SQSTM1: variants seen among roughly 807,000 people sequenced by gnomAD.
The protein encoded by SQSTM1 is sequestosome-1.
A neutral mutation model predicts 45.1 loss-of-function variants in SQSTM1; 36 were observed. The observed-to-expected ratio is 0.80, with a 90% confidence interval of 0.61 to 1.05. The LOEUF is 1.05. Ranked by LOEUF, SQSTM1 falls within the 50% of genes least tolerant of loss-of-function variation. SQSTM1 has a pLI of 0.00. For synonymous variants in SQSTM1, 290 were observed against 244.3 expected (o/e 1.19, Z -1.74); for missense variants, 617 against 607.1 (o/e 1.02, Z -0.17).
At chr5:179,829,388 A>C (rs145090215) in intron 5 of SQSTM1, among the ~76,000 whole-genome samples, 2,591 of 152,308 alleles carry the variant, frequency 0.017, 94 homozygotes, top group African/African-American at 0.06. Context: ...GCCCCACAGA[A>C]GGCTTCCTGT....
chr5:179,823,445 C>CAAAAAAAAAAAAAAA (rs59899831), intron 2 of SQSTM1: 3 of 55,904 alleles, frequency 5.4e-5, no homozygotes, highest in South Asian at 2.2e-4. Context: ...GCCTAGGCGA[C>CAAAAAAAAAAAAAAA]AAAAAAAAAA....
chr5:179,833,373 A>G, intron 6 of SQSTM1, 127 bp downstream of exon 6: 1 of 1,061,512 alleles, frequency 9.4e-7, no homozygotes. Context: ...CTGCTGCTGC[A>G]GTGATGTCTG....
chr5:179,818,253 G>T (rs1757643104), upstream of SQSTM1, among the ~76,000 whole-genome samples: 1 of 152,108 alleles, frequency 6.6e-6, no homozygotes, highest in Non-Finnish European at 1.5e-5. Context: ...GTGAGTGGAA[G>T]GGAGTGGCTG....
intron 1 of SQSTM1, among the ~76,000 whole-genome samples, chr5:179,822,187 T>C (rs951776565): frequency 6.6e-6 from 1 of 152,238 alleles, no homozygotes; most frequent in East Asian, 1.9e-4. Context: ...GTAAATAGAA[T>C]CAGACAATGT....
chr5:179,836,490 C>T lies in SQSTM1; in HGVS notation c.1220C>T (p.Ser407Phe). Residue 407 changes from serine to phenylalanine, a missense_variant, in exon 8 of 8, where the codon TCT (serine) becomes TTT (phenylalanine). Transcript: ENST00000389805. ...TCCCAGATGCTGTCCATGGGCTTCTCTGATGAAGGCGGCTGGCTCACCAGG... is the reference window on the plus strand; with the variant it reads ...TCCCAGATGCTGTCCATGGGCTTCTTTGATGAAGGCGGCTGGCTCACCAGG... ...SLSQMLSMGF[S>F]DEGGWLTRLL... The T allele has an allele frequency of 6.2e-7, 1 of 1,614,244 alleles. No individual in the cohort carries two copies. The highest frequency in any genetic ancestry group is 1.1e-5 in the South Asian group (1 of 91,090).
rs1380034241 is a variant in SQSTM1, at chr5:179,806,682, A to T, written c.-157+91A>T. On this transcript the variant is annotated intron_variant, in intron 1 of 5. Transcript: ENST00000514093. The surrounding 1 kb of genome is among the most constrained non-coding windows in gnomAD (Gnocchi z 4.6). The stretch of plus-strand genomic sequence containing the variant: ...GTCGGAAGGCGGCGGCGGCGGCGGC[A>T]GGGGCCCCGGCCCCGGGTCGGGGAG... 2.4e-5 allele frequency: 5 copies of T among 208,452 alleles called. No individual in the cohort carries two copies. The highest frequency in any genetic ancestry group is 3.4e-5 in the Non-Finnish European group (5 of 146,212). 12.9% of individuals were successfully genotyped at this position (208,452 alleles called of 1,614,324 possible). A position where few individuals can be genotyped will look rare whatever the true frequency, so the allele number is the denominator to read the frequency against.
intron 5 of SQSTM1, 92 bp from the exon 6 acceptor site, chr5:179,832,940 C>A: frequency 7.8e-7 from 1 of 1,285,118 alleles, no homozygotes; most frequent in Non-Finnish European, 1.1e-6. Flanking sequence ...TTGAGATCTT[C>A]GTGAGTCTGT....
chr5:179,828,364 CTTATCT>C (rs1758081637), intron 5 of SQSTM1, among the ~76,000 whole-genome samples: 1 of 120,148 alleles, frequency 8.3e-6, no homozygotes, highest in African/African-American at 3.2e-5. Flanking sequence ...TTTTTTTTTT[CTTATCT>C]TTTTTTTTTT....
upstream of SQSTM1, among the ~76,000 whole-genome samples, chr5:179,816,917 G>A (rs1471155479): frequency 6.6e-6 from 1 of 152,158 alleles, no homozygotes; most frequent in Non-Finnish European, 1.5e-5. Context: ...AGGGGGCGGC[G>A]CCTTAGGTCC....
At chr5:179,808,428 G>A (rs930405428) in intron 1 of SQSTM1, 1 of 152,222 alleles carries the variant, frequency 6.6e-6, no homozygotes, top group African/African-American at 2.4e-5. Flanking sequence ...GTTTTCACAG[G>A]TGTCTTCTAT....
At chr5:179,809,104 G>T (rs1182067545) in intron 1 of SQSTM1, among the ~76,000 whole-genome samples, 1 of 146,504 alleles carries the variant, frequency 6.8e-6, no homozygotes, top group Non-Finnish European at 1.5e-5. Context: ...TGATCTACCT[G>T]CCTCGGCCTC....
chr5:179,814,014 C>CT (rs1396350088), upstream of SQSTM1, among the ~76,000 whole-genome samples: 3 of 152,208 alleles, frequency 2.0e-5, no homozygotes, highest in Admixed American at 2.0e-4. Context: ...ATAAAAATGT[C>CT]TATCGGGGTG....
chr5:179,818,831 GC>G (rs1757660943), upstream of SQSTM1: 1 of 152,452 alleles, frequency 6.6e-6, no homozygotes, highest in Non-Finnish European at 1.5e-5. Context: ...CAGGTGCCGA[GC>G]CTTCCCTGGG....
chr5:179,832,418 G>A (rs887574894), intron 5 of SQSTM1, among the ~76,000 whole-genome samples: 1 of 152,236 alleles, frequency 6.6e-6, no homozygotes, highest in African/African-American at 2.4e-5. Context: ...TGGGCCCTAC[G>A]CAGCGCCTGC....
In SQSTM1 at chr5:179,837,768, T is replaced by C. The variant is rs751804819; in HGVS notation, c.*1175T>C. 1 of 1,614,224 alleles carries C rather than the reference T, an allele frequency of 6.2e-7. No individual in the cohort carries two copies. The highest frequency in any genetic ancestry group is 8.5e-7 in the Non-Finnish European group (1 of 1,180,040). On this transcript the variant is annotated 3_prime_UTR_variant, in exon 8 of 8. Transcript: ENST00000389805. ...GAGGATGTGGCTGTAACCTGCTGGA[T>C]GGGACTCCATAGCTCCTTCCCAGGA... is the stretch of plus-strand genomic sequence containing the variant.
At chr5:179,827,582 C>T (rs1169492417) in intron 5 of SQSTM1, among the ~76,000 whole-genome samples, 1 of 152,246 alleles carries the variant, frequency 6.6e-6, no homozygotes, top group Admixed American at 6.5e-5. Context: ...CTGCACCCGG[C>T]CCTCAGATGT....
At chr5:179,821,517 G>T (rs1196798848) in intron 1 of SQSTM1, 1 of 503,850 alleles carries the variant, frequency 2.0e-6, no homozygotes, top group Admixed American at 2.3e-5. Context: ...GGTCAGGCGG[G>T]CACTCGGGTT....
chr5:179,812,853 C>T (rs1280413651), intron 2 of SQSTM1: 1 of 152,162 alleles, frequency 6.6e-6, no homozygotes. Flanking sequence ...ACTCCACAGC[C>T]TCAGCCTCCC....
At chr5:179,835,500 A>G (rs58652165) in intron 7 of SQSTM1, 1,671 of 158,798 alleles carry the variant, frequency 0.011, 36 homozygotes, top group African/African-American at 0.038. Flanking sequence ...CCCGGCCAAC[A>G]CAGCGAAACC....
Sources: allele counts gnomAD v4.1 joint callset (sites outside exome capture counted in the v4.1 genomes callset), GRCh38; gene constraint gnomAD v4.1.1; non-coding constraint Gnocchi (gnomAD v3.1); transcripts MANE v1.5; gene names NCBI Gene and HGNC (gene_info 2026-07-23, HGNC 2026-07-21).